The following PUM2 variants were observed in gnomAD, a reference collection of about 807,000 sequenced individuals.
PUM2 encodes the protein pumilio homolog 2.
A neutral mutation model predicts 124.5 loss-of-function variants in PUM2; 57 were observed. The ratio of observed to expected loss-of-function variants is 0.46; its 90% CI spans 0.37 to 0.57. The LOEUF is 0.57. Among genes scored for constraint, PUM2 ranks in the 20% least tolerant of loss-of-function variants. The pLI is 0.00. For missense variants in PUM2, 1,065 were observed against 1,290.6 expected, an observed-to-expected ratio of 0.83 and a Z score of 2.68; for synonymous variants, 460 against 446.1, an observed-to-expected ratio of 1.03 and a Z score of -0.39.
At chr2:20,335,218 C>A (rs1013555829) in intron 1 of PUM2, among the ~76,000 whole-genome samples, 1 of 152,210 alleles carries the variant, frequency 6.6e-6, no homozygotes, top group Non-Finnish European at 1.5e-5. Flanking sequence ...AGCCACTGCA[C>A]CCAGCTGGAC....
intron 10 of PUM2, 24 bp downstream of exon 10, chr2:20,290,628 T>A: frequency 6.3e-7 from 1 of 1,586,000 alleles, no homozygotes; most frequent in Non-Finnish European, 8.6e-7. Flanking sequence ...CTATTCAAAT[T>A]TCCACAAATG....
intron 1 of PUM2, among the ~76,000 whole-genome samples, chr2:20,348,856 G>C (rs1688760645): frequency 6.6e-6 from 1 of 152,230 alleles, no homozygotes; most frequent in Non-Finnish European, 1.5e-5. Flanking sequence ...TGCAGCCCGG[G>C]ACGCGGAGGC....
At chr2:20,259,185 T>C (rs1168002102) in intron 15 of PUM2, among the ~76,000 whole-genome samples, 1 of 152,232 alleles carries the variant, frequency 6.6e-6, no homozygotes, top group East Asian at 1.9e-4. Flanking sequence ...CATTAACTAC[T>C]TTACCAAAGA....
chr2:20,336,748 CTGTGTG>C (rs70939037), intron 1 of PUM2, among the ~76,000 whole-genome samples: 5,717 of 97,280 alleles, frequency 0.059, 241 homozygotes, highest in Admixed American at 0.11. Flanking sequence ...CCAGGCTGAT[CTGTGTG>C]TGTGTGTGTG....
intron 7 of PUM2, among the ~76,000 whole-genome samples, chr2:20,302,008 C>T (rs1677103293): frequency 6.6e-6 from 1 of 152,158 alleles, no homozygotes; most frequent in African/African-American, 2.4e-5. Context: ...TGCTATTATT[C>T]TCTTTAGATA....
chr2:20,267,344 A>G (rs1667936592), intron 13 of PUM2, among the ~76,000 whole-genome samples: 1 of 152,118 alleles, frequency 6.6e-6, no homozygotes, highest in Non-Finnish European at 1.5e-5. Flanking sequence ...CTTCCTTTCA[A>G]AAGTAAACCC....
chr2:20,256,090 A>G lies in PUM2; in HGVS notation c.2565T>C (p.Cys855=), dbSNP rs779154345. The G allele has an allele frequency of 1.1e-5, 17 of 1,602,382 alleles. No homozygotes were observed. Among genetic ancestry groups the G allele is most frequent in the Non-Finnish European group, 1.4e-5 (17 of 1,176,044 alleles). Residue 855 remains cysteine, a synonymous_variant, in exon 17 of 21, where the codon TGT becomes TGC. Transcript: ENST00000361078. ...GTGACTGTGGCTGAACACATTCGAT[A>G]CATTTTTGTACAACATGGTTTCCAT... is the stretch of plus-strand genomic sequence containing the variant. The part of the protein sequence containing the change: ...DQNGNHVVQK[C]IECVQPQSLQ...
At chr2:20,350,362 A>C (rs1689087951) in intron 1 of PUM2, 2 of 659,490 alleles carry the variant, frequency 3.0e-6, no homozygotes, top group Non-Finnish European at 3.8e-6. Context: ...GAGGGAAGGA[A>C]GCGGGAAAGC....
intron 16 of PUM2, among the ~76,000 whole-genome samples, chr2:20,257,695 T>C (rs916688246): frequency 5.3e-5 from 8 of 152,218 alleles, no homozygotes; most frequent in Admixed American, 3.9e-4. Context: ...CAACAATTCC[T>C]TTATTAATGT....
chr2:20,295,168 A>G (rs1675216215), intron 8 of PUM2, among the ~76,000 whole-genome samples: 1 of 152,174 alleles, frequency 6.6e-6, no homozygotes, highest in African/African-American at 2.4e-5. Flanking sequence ...TAGAAGGGAA[A>G]CTAGGAAAAT....
At chr2:20,264,652 T>C (rs1667218327) in intron 13 of PUM2, among the ~76,000 whole-genome samples, 1 of 151,940 alleles carries the variant, frequency 6.6e-6, no homozygotes, top group African/African-American at 2.4e-5. Flanking sequence ...AAAATACACA[T>C]TAGTAGAGTT....
intron 1 of PUM2, among the ~76,000 whole-genome samples, chr2:20,340,408 G>A (rs1687000995): frequency 6.6e-6 from 1 of 152,178 alleles, no homozygotes; most frequent in African/African-American, 2.4e-5. Flanking sequence ...TACATATATG[G>A]TGAGGACCTG....
chr2:20,309,949 C>T (rs967002355), intron 5 of PUM2, among the ~76,000 whole-genome samples: 2 of 151,984 alleles, frequency 1.3e-5, no homozygotes, highest in East Asian at 1.9e-4. Context: ...TAATTTTGTA[C>T]GTGAACATCC....
chr2:20,350,551 G>C, intron 1 of PUM2, 46 bp downstream of exon 1: 1 of 985,576 alleles, frequency 1.0e-6, no homozygotes, highest in Non-Finnish European at 1.2e-6. Context: ...AGCCATCCTC[G>C]ACGGCGCCAA....
intron 1 of PUM2, among the ~76,000 whole-genome samples, chr2:20,344,125 T>C (rs986990552): frequency 6.6e-6 from 1 of 152,214 alleles, no homozygotes; most frequent in Non-Finnish European, 1.5e-5. Context: ...TGCAGTGCAG[T>C]GGCTCGATCT....
chr2:20,330,024 C>T (rs1684570648), intron 1 of PUM2, among the ~76,000 whole-genome samples: 1 of 151,894 alleles, frequency 6.6e-6, no homozygotes, highest in African/African-American at 2.4e-5. Flanking sequence ...AAATTCCACA[C>T]TTACAGTCAT....
chr2:20,311,615 C>G lies in PUM2; in HGVS notation c.397G>C (p.Gly133Arg). 6.2e-7 allele frequency: 1 copy of G among 1,613,460 alleles called. No homozygotes were observed. Among genetic ancestry groups the G allele is most frequent in the Non-Finnish European group, 8.5e-7 (1 of 1,179,638 alleles). The change falls in exon 5 of 21, where the codon GGC becomes CGC. Residue 133 changes from glycine to arginine, a missense_variant. Around this residue, in one of 3 missense-constraint regions of PUM2, gnomAD observed 968 missense variants for 1,159.8 expected, o/e 0.83. Transcript: ENST00000361078. Reference protein sequence around the residue: ...TDGPEKGDQKGKASPFEEDQN... With the variant: ...TDGPEKGDQKRKASPFEEDQN... ...TCCTCCTCAAATGGAGAAGCCTTGC[C>G]TTTTTGATCTCCTTTCTCAGGTCCA...
In PUM2 at chr2:20,311,487, A is replaced by C; in HGVS notation, c.518+7T>G. 1 of 1,601,200 alleles carries C rather than the reference A, an allele frequency of 6.2e-7. No homozygotes were observed. The highest frequency in any genetic ancestry group is 1.1e-5 in the South Asian group (1 of 88,900). On this transcript the variant is annotated splice_region_variant and intron_variant, in intron 5 of 20. Coordinates refer to ENST00000361078, the MANE Select transcript of PUM2 (RefSeq NM_015317.5). ...CGCTTTTCTTCTTGAGAAAGTTAAA[A>C]TCTTACTTAAAATCTTTGCAATCGG...
intron 2 of PUM2, among the ~76,000 whole-genome samples, chr2:20,322,598 T>G (rs1682636284): frequency 6.6e-6 from 1 of 151,314 alleles, no homozygotes; most frequent in African/African-American, 2.4e-5. Context: ...AGCTCAGGAG[T>G]TGAAGACCAG....
Sources: gnomAD v4.1 joint callset for allele counts (sites outside exome capture counted in the v4.1 genomes callset) on GRCh38, gnomAD v4.1.1 for gene constraint, gnomAD v4.1.1 regional missense constraint, MANE v1.5 for transcripts, NCBI Gene and HGNC (gene_info 2026-07-23, HGNC 2026-07-21) for gene names.